The following DIS3L2 variants were observed in gnomAD, a reference collection of about 807,000 sequenced individuals.
The protein encoded by DIS3L2 is DIS3-like exonuclease 2.
In DIS3L2, 34 loss-of-function variants were observed where a neutral mutation model predicts 97.5. The observed-to-expected ratio is 0.35, with a 90% CI of 0.27 to 0.46. The LOEUF is 0.46. Ranked by LOEUF, DIS3L2 falls within the 20% of genes least tolerant of loss-of-function variation. The pLI is 1.00. For synonymous variants in DIS3L2, 435 were observed against 445.2 expected (o/e 0.98, Z 0.29); for missense variants, 1,038 against 1,146.0 (o/e 0.91, Z 1.36).
intron 5 of DIS3L2, among the ~76,000 whole-genome samples, chr2:232,036,975 G>A (rs932208823): frequency 3.3e-5 from 5 of 152,204 alleles, no homozygotes; most frequent in African/African-American, 9.6e-5. Flanking sequence ...GCTGGGAGGC[G>A]TCTCCCTGTC....
intron 13 of DIS3L2, among the ~76,000 whole-genome samples, chr2:232,297,028 G>A (rs1162150584): frequency 2.0e-5 from 3 of 152,184 alleles, no homozygotes; most frequent in African/African-American, 7.2e-5. Flanking sequence ...GGTCTGGGAG[G>A]CAGATGCCAG....
intron 9 of DIS3L2, among the ~76,000 whole-genome samples, chr2:232,166,240 C>T (rs1287037859): frequency 1.3e-5 from 2 of 152,062 alleles, no homozygotes; most frequent in African/African-American, 2.4e-5. Flanking sequence ...GCCTGGACAA[C>T]GGAGCAAGAC....
chr2:231,986,576 CAT>C (rs1693420184), intron 1 of DIS3L2, among the ~76,000 whole-genome samples: 1 of 152,168 alleles, frequency 6.6e-6, no homozygotes, highest in South Asian at 2.1e-4. Flanking sequence ...TCTTCTGTGA[CAT>C]TGGCATTTTT....
rs970373954 is a variant in DIS3L2 at position 232,280,571 on chromosome 2, G to A, written c.1659+17131G>A. 2.6e-5 allele frequency among the ~76,000 whole-genome samples: 4 copies of A among 152,204 alleles called. No individual in the cohort carries two copies. In the South Asian group the frequency reaches 8.3e-4, roughly 31 times the overall value. ...AAAATTATAGTCAACAAGGCAGCTT[G>A]CTAGTTATGACTGCCATTGGAATGG... On this transcript the variant is annotated intron_variant, in intron 13 of 20. Coordinates refer to ENST00000325385, the MANE Select transcript of DIS3L2 (RefSeq NM_152383.5).
chr2:232,049,997 A>G (rs189107078), intron 5 of DIS3L2, among the ~76,000 whole-genome samples: 180 of 152,128 alleles, frequency 1.2e-3, no homozygotes, highest in Admixed American at 2.2e-3. Context: ...CTCAGTGTCT[A>G]TTTCTCACTA....
intron 7 of DIS3L2, among the ~76,000 whole-genome samples, chr2:232,133,226 G>A (rs1466451793): frequency 6.6e-6 from 1 of 152,176 alleles, no homozygotes; most frequent in African/African-American, 2.4e-5. Context: ...CTTAGACCAG[G>A]TGGCCTGGCT....
chr2:232,335,311 A>T (rs1695904070), intron 19 of DIS3L2: 1 of 199,586 alleles, frequency 5.0e-6, no homozygotes, highest in African/African-American at 2.4e-5. Flanking sequence ...TGTGTGCAGT[A>T]AACGTGGTGT....
intron 13 of DIS3L2, among the ~76,000 whole-genome samples, chr2:232,298,845 C>T (rs1165558239): frequency 1.3e-5 from 2 of 152,224 alleles, no homozygotes; most frequent in African/African-American, 4.8e-5. Flanking sequence ...GGGCATGCTG[C>T]ACCTCCTTGA....
intron 9 of DIS3L2, among the ~76,000 whole-genome samples, chr2:232,172,308 C>T (rs1261710642): frequency 6.6e-6 from 1 of 152,108 alleles, no homozygotes; most frequent in Non-Finnish European, 1.5e-5. Flanking sequence ...TTCCCTCTCC[C>T]CCCAGCTTCT....
At chr2:232,330,822 T>C (rs1185502125) in intron 16 of DIS3L2, 46 bp downstream of exon 16, 4 of 1,571,502 alleles carry the variant, frequency 2.5e-6, no homozygotes, top group African/African-American at 1.3e-5. Flanking sequence ...AGGAGCACAC[T>C]AGCCCCAGAC....
intron 6 of DIS3L2, among the ~76,000 whole-genome samples, chr2:232,095,114 C>CT (rs1179602555): frequency 1.3e-5 from 2 of 152,134 alleles, no homozygotes; most frequent in Non-Finnish European, 2.9e-5. Flanking sequence ...TTCAGCCACT[C>CT]TGTGTCTTTG....
chr2:232,072,819 TTGC>T (rs1300706098), intron 5 of DIS3L2, among the ~76,000 whole-genome samples: 1 of 145,568 alleles, frequency 6.9e-6, no homozygotes, highest in Non-Finnish European at 1.5e-5. Context: ...TGTGTGTGTG[TTGC>T]TGTGTGTTTG....
chr2:231,989,339 T>TTGTGTGTGTGTGTGTGTG (rs59088969), intron 1 of DIS3L2, among the ~76,000 whole-genome samples: 4 of 146,800 alleles, frequency 2.7e-5, no homozygotes, highest in South Asian at 2.2e-4. Flanking sequence ...GTCAGTATAA[T>TTGTGTGTGTGTGTGTGTG]TGTGTGTGTG....
intron 1 of DIS3L2, among the ~76,000 whole-genome samples, chr2:231,966,232 G>T (rs1378303184): frequency 6.6e-6 from 1 of 150,482 alleles, no homozygotes; most frequent in African/African-American, 2.5e-5. Context: ...GCAGTGGCAC[G>T]ATCTCAGCTT....
chr2:232,103,351 A>G (rs930331682), intron 6 of DIS3L2, among the ~76,000 whole-genome samples: 6 of 152,188 alleles, frequency 3.9e-5, no homozygotes, highest in South Asian at 2.1e-4. Flanking sequence ...CTCAAGCACA[A>G]TGCTGGTTAT....
chr2:232,030,158 A>C (rs1574824234), intron 5 of DIS3L2, 78 bp downstream of exon 5: 1 of 1,265,692 alleles, frequency 7.9e-7, no homozygotes, highest in Non-Finnish European at 1.1e-6. Flanking sequence ...AAGGCATCAT[A>C]AACTGGAGGA....
At chr2:232,233,343 G>T (rs189533348) in intron 10 of DIS3L2, among the ~76,000 whole-genome samples, 34 of 152,272 alleles carry the variant, frequency 2.2e-4, no homozygotes, top group African/African-American at 8.2e-4. Context: ...TTCTCATTGC[G>T]TCCTTACATA....
chr2:232,336,560 A>C lies in DIS3L2; in HGVS notation c.2588A>C (p.Gln863Pro). The change falls in exon 21 of 21, where the codon CAG becomes CCG. Residue 863 changes from glutamine (Q) to proline (P), a missense_variant. Around this residue, in one of 3 missense-constraint regions of DIS3L2, gnomAD observed 221 missense variants for 246.9 expected, o/e 0.90. Transcript: ENST00000325385. ...GCCATCCTGAAGCGGCCAGGCACCC[A>C]GGGCCACCTGGGCCCTGAGAAGGAG... ...YSAILKRPGT[Q>P]GHLGPEKEEE... The C allele has an allele frequency of 6.2e-7, 1 of 1,609,702 alleles. No individual in the cohort carries two copies. Among genetic ancestry groups the C allele is most frequent in the Non-Finnish European group, 8.5e-7 (1 of 1,179,944 alleles).
At chr2:231,971,804 A>G (rs1692922821) in intron 1 of DIS3L2, among the ~76,000 whole-genome samples, 2 of 149,746 alleles carry the variant, frequency 1.3e-5, no homozygotes, top group Non-Finnish European at 3.0e-5. Flanking sequence ...GATGGTCTCA[A>G]ACTCCAGACC....
Sources: gnomAD v4.1 joint callset for allele counts (sites outside exome capture counted in the v4.1 genomes callset) on GRCh38, gnomAD v4.1.1 for gene constraint, gnomAD v4.1.1 regional missense constraint, MANE v1.5 for transcripts, NCBI Gene and HGNC (gene_info 2026-07-23, HGNC 2026-07-21) for gene names.